Variants in OSBPL1A observed in about 807,000 individuals in gnomAD.
The protein encoded by OSBPL1A is oxysterol-binding protein-related protein 1.
In OSBPL1A, 80 loss-of-function variants were observed where a neutral mutation model predicts 137.1. That is an observed-to-expected ratio of 0.58 (90% CI 0.49 to 0.70). OSBPL1A has a LOEUF of 0.70. Ranked by LOEUF, OSBPL1A falls within the 30% of genes least tolerant of loss-of-function variation. The pLI is 0.00. For synonymous variants in OSBPL1A, 365 were observed against 389.7 expected (o/e 0.94, Z 0.75); for missense variants, 970 against 1,129.4 (o/e 0.86, Z 2.02).
At chr18:24,354,748 C>CAAAAAGAAA (rs2091501818) in intron 4 of OSBPL1A, among the ~76,000 whole-genome samples, 1 of 77,074 alleles carries the variant, frequency 1.3e-5, no homozygotes, top group African/African-American at 4.5e-5. Context: ...CTCAATATAG[C>CAAAAAGAAA]AAAAAAAAAA....
At chr18:24,232,714 T>C (rs2088319475) in intron 16 of OSBPL1A, among the ~76,000 whole-genome samples, 1 of 152,216 alleles carries the variant, frequency 6.6e-6, no homozygotes, top group African/African-American at 2.4e-5. Flanking sequence ...AATCCATAGT[T>C]AGAAAACAAA....
intron 27 of OSBPL1A, among the ~76,000 whole-genome samples, chr18:24,164,404 A>T (rs111405186): frequency 6.7e-6 from 1 of 149,800 alleles, no homozygotes; most frequent in Non-Finnish European, 1.5e-5. Flanking sequence ...TATGGAAAAC[A>T]GTATGGAGAT....
chr18:24,386,271 C>G (rs921832756), intron 1 of OSBPL1A, among the ~76,000 whole-genome samples: 1 of 152,148 alleles, frequency 6.6e-6, no homozygotes, highest in Non-Finnish European at 1.5e-5. Context: ...GAAAAATCAA[C>G]AACTCACGTT....
intron 17 of OSBPL1A, among the ~76,000 whole-genome samples, chr18:24,206,434 A>C (rs1215600818): frequency 1.3e-5 from 2 of 152,168 alleles, no homozygotes; most frequent in African/African-American, 4.8e-5. Flanking sequence ...TTAATAATTC[A>C]TTGGTATTCT....
intron 14 of OSBPL1A, among the ~76,000 whole-genome samples, chr18:24,293,742 G>A (rs2632427): frequency 3.9e-5 from 6 of 152,128 alleles, no homozygotes; most frequent in Non-Finnish European, 7.3e-5. Flanking sequence ...GGGGTGGAAG[G>A]GGCTGGAAGG....
At chr18:24,292,367 C>T (rs1303268045) in intron 14 of OSBPL1A, among the ~76,000 whole-genome samples, 1 of 152,130 alleles carries the variant, frequency 6.6e-6, no homozygotes, top group Non-Finnish European at 1.5e-5. Flanking sequence ...GGTTTCTTCC[C>T]TATTTCATGT....
At chr18:24,390,139 A>G (rs999533901) in intron 1 of OSBPL1A, among the ~76,000 whole-genome samples, 25 of 152,160 alleles carry the variant, frequency 1.6e-4, no homozygotes, top group African/African-American at 5.1e-4. Context: ...TCCAGGCTCA[A>G]TTCACCTAGT....
chr18:24,187,058 G>A (rs1034679425), intron 18 of OSBPL1A, among the ~76,000 whole-genome samples: 1 of 152,094 alleles, frequency 6.6e-6, no homozygotes, highest in Non-Finnish European at 1.5e-5. Flanking sequence ...AATTGGCGTA[G>A]AAGTAATACA....
chr18:24,363,813 T>A (rs1472852156), intron 4 of OSBPL1A, among the ~76,000 whole-genome samples: 1 of 151,914 alleles, frequency 6.6e-6, no homozygotes, highest in East Asian at 1.9e-4. Flanking sequence ...GGCAATTTTT[T>A]TTTTTTAGAG....
chr18:24,175,124 A>ATATG (rs2086407584), intron 21 of OSBPL1A, among the ~76,000 whole-genome samples: 1 of 131,394 alleles, frequency 7.6e-6, no homozygotes, highest in African/African-American at 3.3e-5. Context: ...ATATATATAT[A>ATATG]TATATATATA....
chr18:24,380,650 C>A (rs921715499), intron 1 of OSBPL1A, among the ~76,000 whole-genome samples: 1 of 152,218 alleles, frequency 6.6e-6, no homozygotes, highest in African/African-American at 2.4e-5. Context: ...CAGTAGCTTC[C>A]CTTTGAAAGA....
rs2091536708 is a variant in OSBPL1A, at chr18:24,356,458, C to T, written c.282+10434G>A. ...ACTGACACCAAGAGATCCAAAATGT[C>T]ATGAGGCCCCTGTGTTAGAAAGGGG... On this transcript the variant is annotated intron_variant, in intron 4 of 27. Transcript: ENST00000319481. Among the ~76,000 whole-genome samples, 4 of 152,242 alleles carry T rather than the reference C, an allele frequency of 2.6e-5. No individual in the cohort carries two copies. The South Asian group carries it at 8.3e-4, about 32-fold the overall frequency.
intron 14 of OSBPL1A, among the ~76,000 whole-genome samples, chr18:24,291,778 A>AC (rs1337798338): frequency 6.6e-6 from 1 of 151,694 alleles, no homozygotes; most frequent in East Asian, 1.9e-4. Context: ...GGGAAAAAAA[A>AC]AAACGAGAGA....
chr18:24,366,476 C>A (rs1481579491), intron 4 of OSBPL1A: 4 of 153,268 alleles, frequency 2.6e-5, no homozygotes, highest in African/African-American at 9.7e-5. Flanking sequence ...CATCCTGAAG[C>A]CACCTAGGGG....
chr18:24,214,468 T>C (rs1331564960), intron 17 of OSBPL1A, among the ~76,000 whole-genome samples: 2 of 152,098 alleles, frequency 1.3e-5, no homozygotes, highest in East Asian at 3.9e-4. Context: ...TTTTGTTGGT[T>C]GGGGAGGGGA....
At chr18:24,242,666 C>T (rs2088741145) in intron 15 of OSBPL1A, among the ~76,000 whole-genome samples, 1 of 152,158 alleles carries the variant, frequency 6.6e-6, no homozygotes, top group South Asian at 2.1e-4. Context: ...CAAGGTTAAA[C>T]CCAAGTTCCA....
chr18:24,190,006 G>T (rs2086847225), intron 18 of OSBPL1A, among the ~76,000 whole-genome samples: 1 of 152,258 alleles, frequency 6.6e-6, no homozygotes, highest in Non-Finnish European at 1.5e-5. Context: ...GGAGAAGAAG[G>T]TAAGAAAAGC....
chr18:24,260,331 T>C (rs1307508804), intron 15 of OSBPL1A, among the ~76,000 whole-genome samples: 3 of 152,122 alleles, frequency 2.0e-5, no homozygotes, highest in Non-Finnish European at 2.9e-5. Flanking sequence ...CCCAAAAGAA[T>C]TGAATACAAA....
chr18:24,356,947 G>A (rs916275532), intron 4 of OSBPL1A, among the ~76,000 whole-genome samples: 8 of 152,106 alleles, frequency 5.3e-5, no homozygotes, highest in African/African-American at 1.9e-4. Context: ...GCAACCGATA[G>A]GGCAAATGTA....
Sources: allele counts gnomAD v4.1 joint callset (sites outside exome capture counted in the v4.1 genomes callset), GRCh38; gene constraint gnomAD v4.1.1; transcripts MANE v1.5; gene names NCBI Gene and HGNC (gene_info 2026-07-23, HGNC 2026-07-21).